The following NTRK2 variants were observed in gnomAD, a reference collection of about 807,000 sequenced individuals.
NTRK2 encodes neurotrophic receptor tyrosine kinase 2.
NTRK2 carries 13 observed loss-of-function variants against 94.5 expected under a neutral mutation model. That is an observed-to-expected ratio of 0.14 (90% CI 0.09 to 0.22). The LOEUF is 0.22. NTRK2 is among the 10% of genes least tolerant of loss of function. NTRK2 has a pLI of 1.00. For missense variants in NTRK2, 639 were observed against 1,071.2 expected, an observed-to-expected ratio of 0.60 and a Z score of 5.63; for synonymous variants, 372 against 407.4, an observed-to-expected ratio of 0.91 and a Z score of 1.05.
chr9:84,688,429 T>C (rs1401325626), intron 2 of NTRK2, among the ~76,000 whole-genome samples: 3 of 152,144 alleles, frequency 2.0e-5, no homozygotes, highest in Non-Finnish European at 2.9e-5. Flanking sequence ...AGATGGTTCC[T>C]ACACTTCAGT....
At chr9:84,712,519 C>T (rs2061478068) in intron 6 of NTRK2, among the ~76,000 whole-genome samples, 1 of 152,168 alleles carries the variant, frequency 6.6e-6, no homozygotes, top group Non-Finnish European at 1.5e-5. Flanking sequence ...CGGTAACATT[C>T]ACAATTCATT....
chr9:85,026,413 T>A lies in NTRK2; in HGVS notation c.*4976T>A, dbSNP rs950910699. ...ATCATAAAAGCTGCTAGTAGCCATGTGTTTGAACAGGAAAAATATTACAGA... is the reference window on the plus strand; with the variant it reads ...ATCATAAAAGCTGCTAGTAGCCATGAGTTTGAACAGGAAAAATATTACAGA... On this transcript the variant is annotated 3_prime_UTR_variant, in exon 19 of 19. Transcript: ENST00000277120. 1 of 232,002 alleles carries A rather than the reference T, an allele frequency of 4.3e-6. No individual in the cohort carries two copies. The highest frequency in any genetic ancestry group is 8.5e-6 in the Non-Finnish European group (1 of 117,374). The allele number at this position is 232,002 out of a possible 1,614,324, so 14.4% of individuals were successfully genotyped here. A position where few individuals can be genotyped will look rare whatever the true frequency, so the allele number is the denominator to read the frequency against.
chr9:84,991,247 A>C (rs755710262), intron 17 of NTRK2, among the ~76,000 whole-genome samples: 35 of 152,244 alleles, frequency 2.3e-4, no homozygotes, highest in African/African-American at 8.2e-4. Context: ...ATCAGAGCAC[A>C]TTCAATCTCT....
At chr9:84,912,484 C>A (rs748236199) in intron 14 of NTRK2, among the ~76,000 whole-genome samples, 1 of 143,996 alleles carries the variant, frequency 6.9e-6, no homozygotes, top group Non-Finnish European at 1.5e-5. Context: ...TATTTCATAT[C>A]CCTCTCTCTC....
At chr9:84,797,957 T>C (rs1261007300) in intron 12 of NTRK2, among the ~76,000 whole-genome samples, 1 of 144,160 alleles carries the variant, frequency 6.9e-6, no homozygotes, top group Non-Finnish European at 1.5e-5. Flanking sequence ...AAGTAAAATG[T>C]AGCAGTAGTG....
intron 17 of NTRK2, among the ~76,000 whole-genome samples, chr9:84,981,690 A>G (rs1008284995): frequency 9.9e-5 from 15 of 152,234 alleles, no homozygotes; most frequent in Admixed American, 7.8e-4. Flanking sequence ...GAAGAATTGT[A>G]TTTTTAAAAA....
chr9:84,976,208 A>G (rs2133186270), intron 17 of NTRK2, among the ~76,000 whole-genome samples: 1 of 152,292 alleles, frequency 6.6e-6, no homozygotes, highest in African/African-American at 2.4e-5. Context: ...GAAGTCTGAG[A>G]CCAGAGTGCC....
intron 14 of NTRK2, chr9:84,876,872 T>C (rs1281709077): frequency 4.7e-6 from 5 of 1,062,788 alleles, no homozygotes; most frequent in Non-Finnish European, 5.7e-6. Context: ...GGAGTCTTTG[T>C]TCTGGGTTGA....
chr9:84,706,703 A>AT (rs939493499), intron 4 of NTRK2, among the ~76,000 whole-genome samples: 2 of 150,240 alleles, frequency 1.3e-5, no homozygotes, highest in Non-Finnish European at 3.0e-5. Flanking sequence ...AATTTTTAGT[A>AT]TTTTTTTTAG....
At chr9:84,681,858 A>G (rs1399659397) in intron 2 of NTRK2, among the ~76,000 whole-genome samples, 1 of 152,188 alleles carries the variant, frequency 6.6e-6, no homozygotes, top group Non-Finnish European at 1.5e-5. Context: ...AATTGTCACT[A>G]TATTGCTATA....
chr9:84,771,878 G>A (rs1425094563), intron 12 of NTRK2, among the ~76,000 whole-genome samples: 2 of 152,162 alleles, frequency 1.3e-5, no homozygotes, highest in East Asian at 1.9e-4. Context: ...TCGGGGTATC[G>A]TTTGAGAGGT....
chr9:84,735,373 A>G (rs2063182253), intron 9 of NTRK2, among the ~76,000 whole-genome samples: 1 of 152,114 alleles, frequency 6.6e-6, no homozygotes, highest in Non-Finnish European at 1.5e-5. Flanking sequence ...AAATGGGCCA[A>G]ACTAATGTAT....
chr9:84,811,829 G>A, intron 12 of NTRK2: 1 of 1,065,208 alleles, frequency 9.4e-7, no homozygotes, highest in South Asian at 4.6e-5. Flanking sequence ...ATTCACTTTA[G>A]CATCACAGTG....
At chr9:84,708,368 G>C (rs770497222) in intron 5 of NTRK2, among the ~76,000 whole-genome samples, 1 of 152,194 alleles carries the variant, frequency 6.6e-6, no homozygotes, top group Non-Finnish European at 1.5e-5. Flanking sequence ...GGGGACATTG[G>C]AGGAGAGGTA....
chr9:84,827,258 G>A (rs556447314), intron 12 of NTRK2, among the ~76,000 whole-genome samples: 2 of 152,182 alleles, frequency 1.3e-5, no homozygotes, highest in East Asian at 1.9e-4. Flanking sequence ...AGGAGAGAGG[G>A]GCAGCCCCTT....
At position 85,001,866 on chromosome 9, in the gene NTRK2, A is replaced by T. The variant is rs1026618687; in HGVS notation, c.2173-18340A>T. On this transcript the variant is annotated intron_variant, in intron 17 of 18. Transcript: ENST00000277120. ...TAGTAAACACAACTCCTTTTTCCTC[A>T]CCTGAAGGCCAGAATTTCTGAATAG... 4.6e-5 allele frequency among the ~76,000 whole-genome samples: 7 copies of T among 152,148 alleles called. 1 individual carries two copies. The East Asian group carries it at 1.3e-3, about 29-fold the overall frequency.
At chr9:84,926,107 T>TCCC (rs2077761019) in intron 14 of NTRK2, among the ~76,000 whole-genome samples, 27 of 41,692 alleles carry the variant, frequency 6.5e-4, no homozygotes, top group African/African-American at 1.7e-3. Context: ...CTTCCTTCCT[T>TCCC]TCCTTCCTTC....
chr9:84,791,651 C>G (rs2068746641), intron 12 of NTRK2, among the ~76,000 whole-genome samples: 1 of 152,074 alleles, frequency 6.6e-6, no homozygotes, highest in African/African-American at 2.4e-5. Context: ...TTATACATTG[C>G]TCGTAGAAGT....
At chr9:84,945,210 C>A (rs977945290) in intron 15 of NTRK2, among the ~76,000 whole-genome samples, 1 of 152,312 alleles carries the variant, frequency 6.6e-6, no homozygotes, top group East Asian at 1.9e-4. Flanking sequence ...GGCCCATGTT[C>A]AACTTTTCCA....
Sources: allele counts gnomAD v4.1 joint callset (sites outside exome capture counted in the v4.1 genomes callset), GRCh38; gene constraint gnomAD v4.1.1; transcripts MANE v1.5; gene names NCBI Gene and HGNC (gene_info 2026-07-23, HGNC 2026-07-21).